LTBP1: variants seen among roughly 807,000 people sequenced by gnomAD.
The protein encoded by LTBP1 is latent transforming growth factor beta binding protein 1.
LTBP1 carries 129 observed loss-of-function variants against 207.6 expected under a neutral mutation model. That is an observed-to-expected ratio of 0.62 (90% CI 0.54 to 0.72). LTBP1 has a LOEUF of 0.72. Among genes scored for constraint, LTBP1 ranks in the 30% least tolerant of loss-of-function variants. LTBP1 has a pLI of 0.00. For missense variants in LTBP1, 2,281 were observed against 2,217.2 expected (o/e 1.03, Z -0.58); for synonymous variants, 963 against 833.7 (o/e 1.16, Z -2.67).
intron 15 of LTBP1, among the ~76,000 whole-genome samples, chr2:33,269,567 C>T (rs548244137): frequency 2.0e-5 from 3 of 152,304 alleles, no homozygotes; most frequent in East Asian, 3.9e-4. Context: ...AGCATACATA[C>T]CCCTGACACA....
At chr2:33,385,403 T>TA (rs1323288838) in intron 31 of LTBP1, among the ~76,000 whole-genome samples, 1 of 152,148 alleles carries the variant, frequency 6.6e-6, no homozygotes, top group Non-Finnish European at 1.5e-5. Context: ...ATACTGTCTT[T>TA]AAAAAAAACT....
chr2:33,275,213 C>T lies in LTBP1; in HGVS notation c.2869+123C>T, dbSNP rs566056349. The stretch of plus-strand genomic sequence containing the variant: ...ATTTTTTATTAAACAATTATCATGA[C>T]AGCAGTCTGCTAGATCCCAGGTGAT... On this transcript the variant is annotated intron_variant, in intron 17 of 33. Coordinates refer to ENST00000404816, the MANE Select transcript of LTBP1 (RefSeq NM_206943.4). The T allele has an allele frequency of 2.6e-5, 30 of 1,140,964 alleles. No homozygotes were observed. The African/African-American group carries it at 4.2e-4, about 16-fold the overall frequency. The allele number at this position is 1,140,964 out of a possible 1,614,324, so 70.7% of individuals were successfully genotyped here.
chr2:33,296,761 G>C (rs964190069), intron 20 of LTBP1, among the ~76,000 whole-genome samples: 6 of 152,034 alleles, frequency 3.9e-5, no homozygotes, highest in African/African-American at 1.4e-4. Context: ...CAGCATATCG[G>C]ATGCTAGTCC....
At chr2:33,263,823 C>A (rs1016706202) in intron 15 of LTBP1, among the ~76,000 whole-genome samples, 3 of 151,428 alleles carry the variant, frequency 2.0e-5, no homozygotes, top group African/African-American at 7.3e-5. Flanking sequence ...TGTGGTGGTG[C>A]GCACCTGTAG....
At chr2:33,090,686 C>G (rs1467777426) in intron 3 of LTBP1, among the ~76,000 whole-genome samples, 1 of 152,108 alleles carries the variant, frequency 6.6e-6, no homozygotes, top group African/African-American at 2.4e-5. Flanking sequence ...TGTTGATGAT[C>G]TTTGCTGTCT....
intron 5 of LTBP1, among the ~76,000 whole-genome samples, chr2:33,149,228 C>CAAACA (rs2083303646): frequency 2.4e-5 from 2 of 82,784 alleles, no homozygotes; most frequent in African/African-American, 9.5e-5. Flanking sequence ...CACAAAAAAA[C>CAAACA]AAAAAAAAAA....
chr2:33,296,376 C>T (rs2093875030), intron 20 of LTBP1, among the ~76,000 whole-genome samples: 1 of 152,050 alleles, frequency 6.6e-6, no homozygotes, highest in Non-Finnish European at 1.5e-5. Flanking sequence ...GAAGATTCTT[C>T]ACAGGGCAGT....
At chr2:33,364,460 G>A in intron 30 of LTBP1, 104 bp downstream of exon 30, 1 of 1,185,928 alleles carries the variant, frequency 8.4e-7, no homozygotes, top group Non-Finnish European at 1.2e-6. Context: ...GATTCCTTGG[G>A]TATTTTGAAA....
chr2:33,088,364 A>C (rs901737206), intron 3 of LTBP1, among the ~76,000 whole-genome samples: 3 of 152,136 alleles, frequency 2.0e-5, no homozygotes, highest in Non-Finnish European at 4.4e-5. Flanking sequence ...AGGCAGGAGA[A>C]TCACTTGAAC....
Position 33,109,036 on chromosome 2 carries a change from C to T in LTBP1, c.864-1546C>T, listed in dbSNP as rs193028965. ...CCAGGCCCAAAATAGATTTTCCAGG[C>T]TTTCCTGAGACCACAGGGTTTAAAG... On this transcript the variant is annotated intron_variant, in intron 3 of 33. Coordinates refer to ENST00000404816, the MANE Select transcript of LTBP1 (RefSeq NM_206943.4). Among the ~76,000 whole-genome samples, 468 of 152,338 alleles carry T rather than the reference C, an allele frequency of 3.1e-3. 2 individuals carry two copies. Among genetic ancestry groups the T allele is most frequent in the African/African-American group, 0.011 (445 of 41,578 alleles).
chr2:33,059,323 C>T (rs181988275), intron 3 of LTBP1, among the ~76,000 whole-genome samples: 1 of 152,308 alleles, frequency 6.6e-6, no homozygotes, highest in African/African-American at 2.4e-5. Flanking sequence ...GCGTACAGTG[C>T]TTTGAAGCCA....
At chr2:33,190,339 CGTGTGT>C (rs10678958) in intron 7 of LTBP1, among the ~76,000 whole-genome samples, 1 of 151,740 alleles carries the variant, frequency 6.6e-6, no homozygotes, top group Admixed American at 6.6e-5. Flanking sequence ...AAAAATATAT[CGTGTGT>C]GTGTGTATAT....
chr2:33,384,312 G>A (rs184755535), intron 31 of LTBP1, among the ~76,000 whole-genome samples: 15 of 152,290 alleles, frequency 9.8e-5, no homozygotes, highest in Non-Finnish European at 1.5e-4. Context: ...ACTTAGCGAC[G>A]GCGTCCCATA....
At chr2:33,120,660 G>A (rs1298750094) in intron 4 of LTBP1, among the ~76,000 whole-genome samples, 1 of 152,116 alleles carries the variant, frequency 6.6e-6, no homozygotes, top group Non-Finnish European at 1.5e-5. Flanking sequence ...TCATTCACGT[G>A]CATGTGTCTT....
intron 25 of LTBP1, 88 bp from the exon 26 acceptor site, chr2:33,347,279 G>A: frequency 6.7e-7 from 1 of 1,492,942 alleles, no homozygotes; most frequent in South Asian, 1.2e-5. Flanking sequence ...TTTTCAGCAA[G>A]ACACTATTAG....
chr2:33,103,261 G>A (rs2079844541), intron 3 of LTBP1, among the ~76,000 whole-genome samples: 2 of 148,736 alleles, frequency 1.3e-5, no homozygotes, highest in Non-Finnish European at 3.0e-5. Flanking sequence ...TCTCTATGTT[G>A]TATACAGTCT....
At chr2:33,094,319 A>T (rs542003817) in intron 3 of LTBP1, among the ~76,000 whole-genome samples, 12 of 152,272 alleles carry the variant, frequency 7.9e-5, no homozygotes, top group African/African-American at 2.6e-4. Flanking sequence ...TTTTAAAAAA[A>T]TTTTAAATTT....
chr2:33,165,316 A>C (rs2084819834), intron 5 of LTBP1, among the ~76,000 whole-genome samples: 4 of 152,196 alleles, frequency 2.6e-5, no homozygotes, highest in African/African-American at 4.8e-5. Flanking sequence ...GAATGGAGAG[A>C]AAGAAATAGG....
At chr2:32,953,321 C>G (rs1558429705) in intron 2 of LTBP1, among the ~76,000 whole-genome samples, 1 of 152,204 alleles carries the variant, frequency 6.6e-6, no homozygotes, top group Non-Finnish European at 1.5e-5. Context: ...ATCGTGCTTG[C>G]CAAACTTGGG....
Sources: gnomAD v4.1 joint callset for allele counts (sites outside exome capture counted in the v4.1 genomes callset) on GRCh38, gnomAD v4.1.1 for gene constraint, MANE v1.5 for transcripts, NCBI Gene and HGNC (gene_info 2026-07-23, HGNC 2026-07-21) for gene names.